ITPR2: variants seen among roughly 807,000 people sequenced by gnomAD.
The protein encoded by ITPR2 is inositol 1,4,5-trisphosphate receptor type 2, also known as inositol 1,4,5-trisphosphate-gated calcium channel ITPR2.
ITPR2 carries 207 observed loss-of-function variants against 317.1 expected under a neutral mutation model. That is an observed-to-expected ratio of 0.65 (90% CI 0.58 to 0.73). The LOEUF (loss-of-function observed/expected upper bound fraction) is 0.73. ITPR2 is among the 30% of genes least tolerant of loss of function. The pLI is 0.00. For missense variants in ITPR2, 2,613 were observed against 3,284.0 expected (o/e 0.80, Z 4.99); for synonymous variants, 1,156 against 1,149.1 (o/e 1.01, Z -0.12).
intron 39 of ITPR2, among the ~76,000 whole-genome samples, chr12:26,493,303 G>A (rs1377748816): frequency 6.6e-6 from 1 of 152,156 alleles, no homozygotes; most frequent in Non-Finnish European, 1.5e-5. Context: ...GTTAAATGAA[G>A]CACAATATCC....
chr12:26,427,928 A>C lies in ITPR2; in HGVS notation c.6930T>G (p.Leu2310=), dbSNP rs930715383. ...YTIGLGPTLI[L]LGAANLCNKI... is the part of the protein sequence containing the mutation. The stretch of plus-strand genomic sequence containing the variant: ...AAGTACTTACATTAGCTGCACCAAG[A>C]AGTATTAATGTAGGCCCAAGACCTA... Residue 2310 remains leucine (L), a synonymous_variant, in exon 49 of 57, where the codon CTT becomes CTG. Transcript: ENST00000381340. 2.9e-5 allele frequency: 46 copies of C among 1,578,434 alleles called. No homozygotes were observed. The highest frequency in any genetic ancestry group is 3.8e-5 in the Non-Finnish European group (44 of 1,164,180).
At chr12:26,446,101 T>A (rs909315148) in intron 45 of ITPR2, among the ~76,000 whole-genome samples, 3 of 151,936 alleles carry the variant, frequency 2.0e-5, no homozygotes, top group East Asian at 1.9e-4. Context: ...TTTTTCTCAG[T>A]GAAGTAGGAA....
intron 48 of ITPR2, among the ~76,000 whole-genome samples, chr12:26,432,390 T>C (rs1007900257): frequency 1.3e-5 from 2 of 152,172 alleles, no homozygotes; most frequent in African/African-American, 4.8e-5. Context: ...TGATGTTATG[T>C]CCTTGTCGGT....
chr12:26,564,140 C>T (rs1301516245), intron 34 of ITPR2, among the ~76,000 whole-genome samples: 1 of 152,000 alleles, frequency 6.6e-6, no homozygotes. Context: ...CTGATAGAAA[C>T]ACAATTGGTA....
chr12:26,653,043 A>G (rs938217018), intron 21 of ITPR2, among the ~76,000 whole-genome samples: 1 of 152,192 alleles, frequency 6.6e-6, no homozygotes, highest in Non-Finnish European at 1.5e-5. Flanking sequence ...TGTTATTACC[A>G]TCTTCATATC....
chr12:26,598,853 G>T (rs1036617295), intron 30 of ITPR2, among the ~76,000 whole-genome samples: 2 of 152,054 alleles, frequency 1.3e-5, no homozygotes, highest in Admixed American at 6.5e-5. Flanking sequence ...ATAAAATTTT[G>T]TCACTTTCAT....
At chr12:26,772,889 T>C (rs950094749) in intron 2 of ITPR2, among the ~76,000 whole-genome samples, 1 of 152,100 alleles carries the variant, frequency 6.6e-6, no homozygotes. Context: ...TTTGTCCTAA[T>C]AGTCTTCTTC....
chr12:26,623,201 A>G (rs1946539882), intron 24 of ITPR2, among the ~76,000 whole-genome samples: 1 of 152,222 alleles, frequency 6.6e-6, no homozygotes, highest in African/African-American at 2.4e-5. Flanking sequence ...ATGGTCAACC[A>G]TGGTCCTAAA....
In ITPR2 at chr12:26,671,457, T is replaced by C. The variant is rs1209181845; in HGVS notation, c.1410-5406A>G. Among the ~76,000 whole-genome samples, 3 of 151,996 alleles carry C rather than the reference T, an allele frequency of 2.0e-5. No individual in the cohort carries two copies. In the South Asian group the frequency reaches 6.2e-4, roughly 32 times the overall value. On this transcript the variant is annotated intron_variant, in intron 13 of 56. Transcript: ENST00000381340. ...TCATATCCAGCCAAACTAAGCTTCA[T>C]AAGTGAAGGAGAAATAAAATACTTT...
intron 10 of ITPR2, among the ~76,000 whole-genome samples, chr12:26,690,202 A>C (rs1948209591): frequency 6.6e-6 from 1 of 152,230 alleles, no homozygotes; most frequent in African/African-American, 2.4e-5. Flanking sequence ...GAAGGCACAA[A>C]TAAAACATAA....
At chr12:26,437,299 TA>T (rs1941377799) in intron 47 of ITPR2, among the ~76,000 whole-genome samples, 1 of 152,218 alleles carries the variant, frequency 6.6e-6, no homozygotes. Flanking sequence ...TGGAAATGAT[TA>T]ACTTTGTAGA....
chr12:26,655,908 T>C (rs1947360122), intron 19 of ITPR2, 56 bp from the exon 20 acceptor site: 4 of 1,512,740 alleles, frequency 2.6e-6, no homozygotes, highest in South Asian at 1.2e-5. Flanking sequence ...CATTTAAAAA[T>C]AGGAAAACAC....
At chr12:26,632,142 C>G (rs1946768273) in intron 21 of ITPR2, 83 bp from the exon 22 acceptor site, 1 of 1,079,446 alleles carries the variant, frequency 9.3e-7, no homozygotes, top group African/African-American at 1.6e-5. Context: ...CACAACCACA[C>G]TGAAAAGCAG....
chr12:26,802,033 C>T (rs1950563962), intron 1 of ITPR2, among the ~76,000 whole-genome samples: 1 of 152,136 alleles, frequency 6.6e-6, no homozygotes, highest in Admixed American at 6.5e-5. Flanking sequence ...GGGGTAGTAG[C>T]TTATGCCTGT....
chr12:26,446,990 T>G (rs1941623903), intron 45 of ITPR2, among the ~76,000 whole-genome samples: 1 of 152,076 alleles, frequency 6.6e-6, no homozygotes. Context: ...GTTCTGATAG[T>G]GCCCTGCACA....
chr12:26,731,606 G>C (rs2137062526), intron 2 of ITPR2, among the ~76,000 whole-genome samples: 1 of 152,192 alleles, frequency 6.6e-6, no homozygotes, highest in South Asian at 2.1e-4. Context: ...AGGCCAGCCT[G>C]GGCAACAAAT....
At chr12:26,673,382 G>A (rs996079629) in intron 13 of ITPR2, among the ~76,000 whole-genome samples, 10 of 152,156 alleles carry the variant, frequency 6.6e-5, no homozygotes, top group Non-Finnish European at 1.3e-4. Context: ...ATGCAAGGCT[G>A]GTTCAATATA....
chr12:26,532,366 GAC>G (rs1340644828), intron 37 of ITPR2, among the ~76,000 whole-genome samples: 3 of 152,162 alleles, frequency 2.0e-5, no homozygotes, highest in African/African-American at 7.2e-5. Flanking sequence ...CCAGAAAAGG[GAC>G]ATTTTTCAAT....
At chr12:26,768,694 T>C (rs1395134185) in intron 2 of ITPR2, among the ~76,000 whole-genome samples, 1 of 151,086 alleles carries the variant, frequency 6.6e-6, no homozygotes, top group African/African-American at 2.4e-5. Context: ...GACCCACATC[T>C]GGGTCCTTAA....
Sources: gnomAD v4.1 joint callset for allele counts (sites outside exome capture counted in the v4.1 genomes callset) on GRCh38, gnomAD v4.1.1 for gene constraint, MANE v1.5 for transcripts, NCBI Gene and HGNC (gene_info 2026-07-23, HGNC 2026-07-21) for gene names.